The following EML6 variants were observed in gnomAD, a reference collection of about 807,000 sequenced individuals.
EML6 encodes the protein EMAP like 6, also known as echinoderm microtubule-associated protein-like 6.
A neutral mutation model predicts 240.1 loss-of-function variants in EML6; 154 were observed. That is an observed-to-expected ratio of 0.64 (90% CI 0.56 to 0.73). The LOEUF is 0.73. Ranked by LOEUF, EML6 falls within the 30% of genes least tolerant of loss-of-function variation. The pLI is 0.00. For synonymous variants in EML6, 1,148 were observed against 899.0 expected, an observed-to-expected ratio of 1.28 and a Z score of -4.95; for missense variants, 2,964 against 2,474.6, an observed-to-expected ratio of 1.20 and a Z score of -4.20.
At chr2:54,805,069 G>A (rs1670395206) in intron 2 of EML6, among the ~76,000 whole-genome samples, 1 of 152,190 alleles carries the variant, frequency 6.6e-6, no homozygotes, top group Non-Finnish European at 1.5e-5. Flanking sequence ...AGTGACTTGA[G>A]TATTCCACTG....
chr2:54,854,106 C>G lies in EML6; in HGVS notation c.1657+251C>G, dbSNP rs1670241028. ...TATTACCATATTGTGATTTGTAAGC[C>G]TTGTTTCACATTTCGAACAAGTCAT... On this transcript the variant is annotated intron_variant, in intron 11 of 41. Coordinates refer to ENST00000356458, the MANE Select transcript of EML6 (RefSeq NM_001039753.4). Among the ~76,000 whole-genome samples, 5 of 152,246 alleles carry G rather than the reference C, an allele frequency of 3.3e-5. No homozygotes were observed. In the South Asian group the frequency reaches 1.0e-3, roughly 32 times the overall value.
At chr2:54,749,647 A>C (rs1342880907) in intron 2 of EML6, among the ~76,000 whole-genome samples, 2 of 152,176 alleles carry the variant, frequency 1.3e-5, no homozygotes, top group African/African-American at 4.8e-5. Flanking sequence ...AATGCTCACA[A>C]AAAATTTTTG....
At chr2:54,860,451 C>T (rs766600826) in intron 12 of EML6, among the ~76,000 whole-genome samples, 4 of 152,134 alleles carry the variant, frequency 2.6e-5, no homozygotes, top group Non-Finnish European at 5.9e-5. Context: ...GGCTACTTGG[C>T]GGCCTGGCTT....
intron 17 of EML6, among the ~76,000 whole-genome samples, chr2:54,887,068 C>A (rs1672187800): frequency 6.6e-6 from 1 of 152,182 alleles, no homozygotes; most frequent in South Asian, 2.1e-4. Context: ...GAATTCCTTC[C>A]CTCCAGGATG....
At chr2:54,786,190 T>C (rs181192069) in intron 2 of EML6, among the ~76,000 whole-genome samples, 2 of 152,218 alleles carry the variant, frequency 1.3e-5, no homozygotes, top group South Asian at 2.1e-4. Flanking sequence ...GCTCCTATGC[T>C]TATTCCCTGA....
At chr2:54,948,544 T>G (rs998033872) in intron 28 of EML6, among the ~76,000 whole-genome samples, 6 of 152,222 alleles carry the variant, frequency 3.9e-5, no homozygotes, top group African/African-American at 7.2e-5. Context: ...ATGGTCAGGC[T>G]TCTCCTTGGT....
intron 2 of EML6, among the ~76,000 whole-genome samples, chr2:54,801,019 C>A (rs925862321): frequency 2.6e-5 from 4 of 152,022 alleles, no homozygotes; most frequent in Admixed American, 1.3e-4. Context: ...AAATTCTGTT[C>A]TTTAAAAGTC....
chr2:54,962,850 G>A (rs963339033), intron 36 of EML6, 139 bp downstream of exon 36: 45 of 564,412 alleles, frequency 8.0e-5, no homozygotes, highest in Middle Eastern at 4.7e-4. Context: ...AAAACCTAAC[G>A]ATAAAAGAAG....
Position 54,969,276 on chromosome 2 carries a change from G to C in EML6, c.5852+508G>C, listed in dbSNP as rs552330696. Among the ~76,000 whole-genome samples the C allele has an allele frequency of 5.9e-5, 9 of 152,290 alleles. No homozygotes were observed. In the East Asian group the frequency reaches 1.7e-3, roughly 29 times the overall value. On this transcript the variant is annotated intron_variant, in intron 41 of 41. Coordinates refer to ENST00000356458, the MANE Select transcript of EML6 (RefSeq NM_001039753.4). Reference sequence around the variant, plus strand: ...CCCATTTCTGATGAGCTTCATTGTAGCATGAATACTGGGTTCTATTCAGCC... The same window carrying C: ...CCCATTTCTGATGAGCTTCATTGTACCATGAATACTGGGTTCTATTCAGCC...
intron 11 of EML6, among the ~76,000 whole-genome samples, chr2:54,855,200 C>T (rs1433959239): frequency 6.6e-6 from 1 of 152,108 alleles, no homozygotes; most frequent in Non-Finnish European, 1.5e-5. Flanking sequence ...TTGTAGGCTA[C>T]ACAGGAAGTA....
chr2:54,942,575 A>C (rs1403519359), intron 28 of EML6, among the ~76,000 whole-genome samples: 3 of 152,006 alleles, frequency 2.0e-5, no homozygotes, highest in Non-Finnish European at 4.4e-5. Flanking sequence ...GGTGTGTTTA[A>C]ACTATGTTGG....
rs1230871965 is a variant in EML6, at chr2:54,774,524, A to C, written c.198-38708A>C. 1.3e-5 allele frequency among the ~76,000 whole-genome samples: 2 copies of C among 152,210 alleles called. No individual in the cohort carries two copies. The highest frequency in any genetic ancestry group is 2.9e-5 in the Non-Finnish European group (2 of 68,040). ...GGGTTCTGGATGGTTTTTAGCCTAC[A>C]TCACGGGGAGAATGGAAGAGCTAGC... is the stretch of plus-strand genomic sequence containing the variant. On this transcript the variant is annotated intron_variant, in intron 2 of 41. Coordinates refer to ENST00000356458, the MANE Select transcript of EML6 (RefSeq NM_001039753.4). This position sits in a 1 kb window ranked among gnomAD's most constrained non-coding sequence, Gnocchi z 4.1.
chr2:54,854,496 A>G (rs546218956), intron 11 of EML6, among the ~76,000 whole-genome samples: 2 of 152,334 alleles, frequency 1.3e-5, no homozygotes, highest in South Asian at 4.1e-4. Context: ...TTCCTTTGCA[A>G]GTTTAGGCAA....
At chr2:54,736,995 A>T (rs900714866) in intron 2 of EML6, among the ~76,000 whole-genome samples, 3 of 152,208 alleles carry the variant, frequency 2.0e-5, no homozygotes, top group African/African-American at 4.8e-5. Flanking sequence ...AGGAGACTAG[A>T]ATTATAGAAC....
chr2:54,783,991 C>G (rs1668964754), intron 2 of EML6, among the ~76,000 whole-genome samples: 1 of 152,034 alleles, frequency 6.6e-6, no homozygotes, highest in African/African-American at 2.4e-5. Context: ...TGGTATTGCC[C>G]AGGCTGGAGT....
intron 11 of EML6, among the ~76,000 whole-genome samples, chr2:54,857,175 T>C (rs1016424066): frequency 6.6e-6 from 1 of 152,144 alleles, no homozygotes; most frequent in Non-Finnish European, 1.5e-5. Flanking sequence ...TTCCTTGTTG[T>C]AAGTTAGGGG....
At chr2:54,838,893 G>C (rs1278660424) in intron 7 of EML6, among the ~76,000 whole-genome samples, 1 of 152,174 alleles carries the variant, frequency 6.6e-6, no homozygotes, top group Admixed American at 6.5e-5. Context: ...TATTTCTCCA[G>C]GAAAGAGAAC....
At chr2:54,950,146 T>TG (rs960972371) in intron 29 of EML6, among the ~76,000 whole-genome samples, 11 of 130,544 alleles carry the variant, frequency 8.4e-5, no homozygotes, top group Admixed American at 2.9e-4. Flanking sequence ...ATCTAGTTTT[T>TG]GGGGGAAAAA....
rs1367870413 is a variant in EML6 at position 54,851,177 on chromosome 2, G to A, written c.1444+959G>A. 2.0e-5 allele frequency among the ~76,000 whole-genome samples: 3 copies of A among 152,176 alleles called. No homozygotes were observed. In the East Asian group the frequency reaches 5.8e-4, roughly 29 times the overall value. Reference sequence around the variant, plus strand: ...TAATCCTAGCACTTTTGGAGACTGAGGCGGGTGGATCACTTGAGGTCAGGA... The same window carrying A: ...TAATCCTAGCACTTTTGGAGACTGAAGCGGGTGGATCACTTGAGGTCAGGA... On this transcript the variant is annotated intron_variant, in intron 10 of 41. Coordinates refer to ENST00000356458, the MANE Select transcript of EML6 (RefSeq NM_001039753.4).
Sources: allele counts gnomAD v4.1 joint callset (sites outside exome capture counted in the v4.1 genomes callset), GRCh38; gene constraint gnomAD v4.1.1; non-coding constraint Gnocchi (gnomAD v3.1); transcripts MANE v1.5; gene names NCBI Gene and HGNC (gene_info 2026-07-23, HGNC 2026-07-21).